The following STK3 variants were observed in gnomAD, a reference collection of about 807,000 sequenced individuals.
STK3 encodes the protein serine/threonine-protein kinase 3.
In STK3, 41 loss-of-function variants were observed where a neutral mutation model predicts 58.0. The observed-to-expected ratio is 0.71, with a 90% CI of 0.55 to 0.92. The LOEUF (loss-of-function observed/expected upper bound fraction) is 0.92, where lower values mean the gene tolerates loss of function less well. Ranked by LOEUF, STK3 falls within the 40% of genes least tolerant of loss-of-function variation. The pLI is 0.00. For synonymous variants in STK3, 170 were observed against 191.0 expected (o/e 0.89, Z 0.91); for missense variants, 479 against 602.7 (o/e 0.79, Z 2.15).
At chr8:98,802,893 T>C (rs1833648157) in intron 1 of STK3, among the ~76,000 whole-genome samples, 1 of 152,214 alleles carries the variant, frequency 6.6e-6, no homozygotes, top group South Asian at 2.1e-4. Flanking sequence ...TGAGCATCTG[T>C]GTGTGTATGT....
chr8:98,913,256 A>C (rs1444164493), intron 1 of STK3, among the ~76,000 whole-genome samples: 1 of 152,246 alleles, frequency 6.6e-6, no homozygotes, highest in Admixed American at 6.5e-5. Context: ...TCCACAAATT[A>C]AAAATGACTT....
chr8:98,698,715 G>C (rs1422631436), intron 6 of STK3, among the ~76,000 whole-genome samples: 1 of 152,222 alleles, frequency 6.6e-6, no homozygotes, highest in Non-Finnish European at 1.5e-5. Context: ...GGCTTGTAGA[G>C]TTTCTGCTGA....
At chr8:98,403,522 A>C (rs571476806) in intron 3 of STK3, among the ~76,000 whole-genome samples, 2 of 152,316 alleles carry the variant, frequency 1.3e-5, no homozygotes, top group Admixed American at 1.3e-4. Context: ...AGTGGAAAAT[A>C]CATGTCCTGG....
chr8:98,874,129 T>C (rs1361819166), intron 3 of STK3, among the ~76,000 whole-genome samples: 2 of 152,248 alleles, frequency 1.3e-5, no homozygotes, highest in Non-Finnish European at 2.9e-5. Flanking sequence ...TATGAAATTC[T>C]GGGTTGAAAA....
chr8:98,530,228 T>C (rs1826067449), intron 9 of STK3, among the ~76,000 whole-genome samples: 3 of 152,140 alleles, frequency 2.0e-5, no homozygotes, highest in African/African-American at 7.2e-5. Context: ...ACTTGTGTCA[T>C]GGGGGTTTGT....
At chr8:98,837,552 G>A (rs1354988247) in intron 3 of STK3, among the ~76,000 whole-genome samples, 1 of 152,150 alleles carries the variant, frequency 6.6e-6, no homozygotes, top group Non-Finnish European at 1.5e-5. Flanking sequence ...CAGAGCTAAG[G>A]AAGAGAAAAG....
At chr8:98,510,040 GA>G (rs1824381043) in intron 10 of STK3, among the ~76,000 whole-genome samples, 1 of 151,920 alleles carries the variant, frequency 6.6e-6, no homozygotes, top group East Asian at 1.9e-4. Flanking sequence ...GTTTAAAAAA[GA>G]AAAGTTCTAA....
intron 4 of STK3, among the ~76,000 whole-genome samples, chr8:98,726,272 T>G (rs989971282): frequency 6.6e-6 from 1 of 152,198 alleles, no homozygotes; most frequent in Non-Finnish European, 1.5e-5. Flanking sequence ...CTTTGTAAAC[T>G]TAATTTACTT....
chr8:98,902,655 C>T (rs536587376), intron 1 of STK3, among the ~76,000 whole-genome samples: 1 of 152,348 alleles, frequency 6.6e-6, no homozygotes, highest in East Asian at 1.9e-4. Context: ...TAGCTAATCA[C>T]CCTGAGCCCT....
intron 6 of STK3, chr8:98,597,712 C>T (rs1337405883): frequency 1.6e-5 from 16 of 985,116 alleles, no homozygotes; most frequent in Middle Eastern, 5.2e-4. Context: ...GCTCAATTAT[C>T]TACTTTATGT....
At chr8:98,540,096 C>T (rs1265252606) in intron 9 of STK3, among the ~76,000 whole-genome samples, 7 of 152,162 alleles carry the variant, frequency 4.6e-5, no homozygotes, top group Non-Finnish European at 1.0e-4. Context: ...ACCTACATCG[C>T]CATCCAGCTG....
At chr8:98,760,481 GAA>G (rs775763066) in intron 3 of STK3, among the ~76,000 whole-genome samples, 15 of 152,036 alleles carry the variant, frequency 9.9e-5, no homozygotes, top group Non-Finnish European at 1.8e-4. Context: ...CTATGTCTTT[GAA>G]AATTTCACTG....
chr8:98,550,877 T>G (rs1435112986), intron 8 of STK3, among the ~76,000 whole-genome samples: 1 of 152,204 alleles, frequency 6.6e-6, no homozygotes, highest in African/African-American at 2.4e-5. Context: ...CACGGCATTA[T>G]ACTAACCTTT....
At chr8:98,587,837 CT>C (rs1436623544) in intron 7 of STK3, among the ~76,000 whole-genome samples, 5 of 152,076 alleles carry the variant, frequency 3.3e-5, no homozygotes, top group Admixed American at 1.3e-4. Flanking sequence ...GAATTGATCC[CT>C]TTACCATTAT....
intron 10 of STK3, among the ~76,000 whole-genome samples, chr8:98,486,205 T>C (rs1563653481): frequency 1.3e-5 from 2 of 152,166 alleles, no homozygotes; most frequent in African/African-American, 2.4e-5. Flanking sequence ...CACTTGCCTG[T>C]GTGTGGGGGA....
chr8:98,669,763 A>G (rs1411809632), intron 6 of STK3, among the ~76,000 whole-genome samples: 1 of 152,200 alleles, frequency 6.6e-6, no homozygotes, highest in Admixed American at 6.5e-5. Context: ...TGTGTCAAAC[A>G]AATCTGTTTC....
intron 4 of STK3, among the ~76,000 whole-genome samples, chr8:98,719,490 T>C (rs1478332936): frequency 1.3e-5 from 2 of 152,198 alleles, no homozygotes; most frequent in Admixed American, 6.5e-5. Flanking sequence ...ATCTGTCTGA[T>C]TTTAATGCTA....
At chr8:98,797,053 G>A (rs1833223105) in intron 1 of STK3, among the ~76,000 whole-genome samples, 1 of 152,194 alleles carries the variant, frequency 6.6e-6, no homozygotes, top group Admixed American at 6.5e-5. Context: ...TTTGAAGCCA[G>A]CCACTGACAT....
At chr8:98,501,467 A>G (rs763852464) in intron 10 of STK3, among the ~76,000 whole-genome samples, 16 of 152,098 alleles carry the variant, frequency 1.1e-4, no homozygotes, top group Non-Finnish European at 8.8e-5. Flanking sequence ...TTTTAGTCAT[A>G]AAGTTCTTGC....
Sources: allele counts gnomAD v4.1 joint callset (sites outside exome capture counted in the v4.1 genomes callset), GRCh38; gene constraint gnomAD v4.1.1; transcripts MANE v1.5; gene names NCBI Gene and HGNC (gene_info 2026-07-23, HGNC 2026-07-21).